The following XKR9 variants were observed in gnomAD, a reference collection of about 807,000 sequenced individuals.
The protein encoded by XKR9 is XK related 9, also known as XK-related protein 9.
XKR9 carries 32 observed loss-of-function variants against 32.0 expected under a neutral mutation model. That is an observed-to-expected ratio of 1.00 (90% CI 0.76 to 1.34). XKR9 has a LOEUF of 1.34. Among genes scored for constraint, XKR9 ranks in the 40% most tolerant of loss-of-function variants. The pLI is 0.00. For missense variants in XKR9, 546 were observed against 429.7 expected (o/e 1.27, Z -2.39); for synonymous variants, 168 against 143.4 (o/e 1.17, Z -1.22).
At chr8:71,020,528 G>C in the XKR9 span, among the ~76,000 whole-genome samples, 1 of 152,144 alleles carries the variant, frequency 6.6e-6, no homozygotes, top group Admixed American at 6.5e-5. Context: ...TATTGTATAG[G>C]TCTGCACAAA....
chr8:70,821,819 A>T, the XKR9 span, among the ~76,000 whole-genome samples: 1 of 152,110 alleles, frequency 6.6e-6, no homozygotes, highest in Admixed American at 6.5e-5. Flanking sequence ...CGGCCCATGA[A>T]ACCATTTTTT....
chr8:70,829,855 C>G, the XKR9 span, among the ~76,000 whole-genome samples: 2 of 152,152 alleles, frequency 1.3e-5, no homozygotes, highest in South Asian at 2.1e-4. Flanking sequence ...TGAATCTTTT[C>G]TAAGTAATGC....
the XKR9 span, among the ~76,000 whole-genome samples, chr8:70,958,400 G>A: frequency 1.3e-5 from 2 of 152,082 alleles, no homozygotes; most frequent in Non-Finnish European, 2.9e-5. Context: ...CATTCTGACT[G>A]GTTTTAAGAT....
chr8:71,034,181 A>C, the XKR9 span, among the ~76,000 whole-genome samples: 1 of 152,146 alleles, frequency 6.6e-6, no homozygotes, highest in Non-Finnish European at 1.5e-5. Flanking sequence ...TGTAATACCC[A>C]TCTGTTGAAA....
the XKR9 span, among the ~76,000 whole-genome samples, chr8:70,891,214 A>C: frequency 6.6e-6 from 1 of 150,822 alleles, no homozygotes; most frequent in Non-Finnish European, 1.5e-5. Flanking sequence ...GAAAGGTTTC[A>C]TGCTTTTGTT....
intron 4 of XKR9, among the ~76,000 whole-genome samples, chr8:70,715,611 G>T (rs1402220707): frequency 2.6e-5 from 4 of 152,066 alleles, no homozygotes; most frequent in African/African-American, 9.7e-5. Context: ...ATAATTAAAT[G>T]ATATGGGTTA....
the XKR9 span, among the ~76,000 whole-genome samples, chr8:71,050,234 G>GATATATATATATATATATAT: frequency 4.2e-5 from 4 of 95,954 alleles, no homozygotes; most frequent in Non-Finnish European, 9.6e-5. Context: ...ATGCCTGGCA[G>GATATATATATATATATATAT]AGATATATAT....
At chr8:70,837,563 G>A in the XKR9 span, among the ~76,000 whole-genome samples, 1 of 152,046 alleles carries the variant, frequency 6.6e-6, no homozygotes, top group Non-Finnish European at 1.5e-5. Flanking sequence ...ATGAGTGCTG[G>A]CAAAAGGCTG....
chr8:70,734,650 A>G lies in XKR9; in HGVS notation c.*226A>G. On this transcript the variant is annotated 3_prime_UTR_variant, in exon 5 of 5. Transcript: ENST00000408926. ...CTTTCTACTGCCTGGTAGAGCTGCC[A>G]TCTTGAGCCTGAAATATAAGAAATG... 2 of 368,362 alleles carry G rather than the reference A, an allele frequency of 5.4e-6. No homozygotes were observed. Among genetic ancestry groups the G allele is most frequent in the Admixed American group, 5.0e-5 (1 of 20,162 alleles). The allele number at this position is 368,362 out of a possible 1,614,324, so 22.8% of individuals were successfully genotyped here.
rs1328229875 is a variant in XKR9, at chr8:70,734,198, T to C, written c.896T>C (p.Leu299Ser). 10 of 1,613,388 alleles carry C rather than the reference T, an allele frequency of 6.2e-6. No individual in the cohort carries two copies. Among genetic ancestry groups the C allele is most frequent in the Non-Finnish European group, 8.5e-6 (10 of 1,179,720 alleles). The change falls in exon 5 of 5, where the codon TTG (leucine) becomes TCG (serine). Residue 299 changes from leucine to serine, a missense_variant. Transcript: ENST00000408926. Reference sequence around the variant, plus strand: ...TATATTGTTAGGGTACTGGGCACTTTGGGGATATTGACTGTATTCTGGGTT... The same window carrying C: ...TATATTGTTAGGGTACTGGGCACTTCGGGGATATTGACTGTATTCTGGGTT... ...CYYIVRVLGT[L>S]GILTVFWVCP...
the XKR9 span, among the ~76,000 whole-genome samples, chr8:70,999,537 T>A: frequency 6.6e-6 from 1 of 152,132 alleles, no homozygotes; most frequent in Non-Finnish European, 1.5e-5. Flanking sequence ...CTAGCAGAAA[T>A]AAAGGACAGA....
At chr8:70,942,437 TAACCAA>T in the XKR9 span, among the ~76,000 whole-genome samples, 1 of 152,096 alleles carries the variant, frequency 6.6e-6, no homozygotes, top group African/African-American at 2.4e-5. Flanking sequence ...CCTGCCTTGG[TAACCAA>T]AAAACAGCCC....
intron 4 of XKR9, among the ~76,000 whole-genome samples, chr8:70,730,715 G>C (rs1379796038): frequency 6.6e-6 from 1 of 152,108 alleles, no homozygotes; most frequent in East Asian, 1.9e-4. Flanking sequence ...ATAAACCAGA[G>C]AGAAATTATT....
chr8:70,977,650 T>C, the XKR9 span, among the ~76,000 whole-genome samples: 1 of 152,200 alleles, frequency 6.6e-6, no homozygotes, highest in Non-Finnish European at 1.5e-5. Flanking sequence ...GTCCTTTACT[T>C]CCAGCTATGT....
At chr8:71,057,091 A>G in the XKR9 span, among the ~76,000 whole-genome samples, 1 of 152,202 alleles carries the variant, frequency 6.6e-6, no homozygotes, top group Non-Finnish European at 1.5e-5. Flanking sequence ...TTCTGATGGG[A>G]AAGATGTTCC....
chr8:71,023,122 G>T, the XKR9 span, among the ~76,000 whole-genome samples: 8 of 151,604 alleles, frequency 5.3e-5, no homozygotes, highest in Admixed American at 2.0e-4. Flanking sequence ...TTTTTTATTG[G>T]AATCTGTTGC....
Position 70,708,213 on chromosome 8 carries a change from C to T in XKR9, c.493+1060C>T, listed in dbSNP as rs756610422. Among the ~76,000 whole-genome samples the T allele has an allele frequency of 3.9e-5, 6 of 151,900 alleles. No homozygotes were observed. The East Asian group carries it at 5.8e-4, about 15-fold the overall frequency. ...TTCATGGATTGGGTTCTATATGATACGGAACCCTTAACAGTTCTGTATTAC... is the reference window on the plus strand; with the variant it reads ...TTCATGGATTGGGTTCTATATGATATGGAACCCTTAACAGTTCTGTATTAC... On this transcript the variant is annotated intron_variant, in intron 4 of 4. Coordinates refer to ENST00000408926, the MANE Select transcript of XKR9 (RefSeq NM_001011720.2).
chr8:71,009,726 C>T, the XKR9 span, among the ~76,000 whole-genome samples: 1 of 152,282 alleles, frequency 6.6e-6, no homozygotes, highest in African/African-American at 2.4e-5. Flanking sequence ...TCAAGCAACT[C>T]CTGCCATTGA....
chr8:70,772,618 T>G (rs556611473), intron 2 of XKR9, among the ~76,000 whole-genome samples: 1 of 152,346 alleles, frequency 6.6e-6, no homozygotes, highest in Admixed American at 6.5e-5. Context: ...AGGTTTCATT[T>G]TGATGCATTG....
Sources: allele counts gnomAD v4.1 joint callset (sites outside exome capture counted in the v4.1 genomes callset), GRCh38; gene constraint gnomAD v4.1.1; transcripts MANE v1.5; gene names NCBI Gene and HGNC (gene_info 2026-07-23, HGNC 2026-07-21).